PRKCA: variants seen among roughly 807,000 people sequenced by gnomAD.
PRKCA encodes the protein protein kinase C alpha type.
A neutral mutation model predicts 87.0 loss-of-function variants in PRKCA; 27 were observed. That is an observed-to-expected ratio of 0.31 (90% confidence interval 0.23 to 0.43). The LOEUF (loss-of-function observed/expected upper bound fraction) is 0.43, where lower values mean the gene tolerates loss of function less well. Among genes scored for constraint, PRKCA ranks in the 20% least tolerant of loss-of-function variants. The pLI, the probability that PRKCA is intolerant of heterozygous loss-of-function variation, is 1.00. For synonymous variants in PRKCA, 329 were observed against 311.1 expected (o/e 1.06, Z -0.61); for missense variants, 518 against 852.3 (o/e 0.61, Z 4.88).
At chr17:66,485,130 C>T (rs1368159428) in intron 2 of PRKCA, among the ~76,000 whole-genome samples, 1 of 152,096 alleles carries the variant, frequency 6.6e-6, no homozygotes, top group African/African-American at 2.4e-5. Context: ...CTTGGTCCCC[C>T]AGTTACCTTC....
chr17:66,641,340 T>G lies in PRKCA; in HGVS notation c.289-15T>G. ...TTCATGACTAAAATGAGCATTGTGC[T>G]TCTTCTCCTCCCAGGACCCCAGGAG... On this transcript the variant is annotated splice_polypyrimidine_tract_variant and intron_variant, in intron 3 of 16. Transcript: ENST00000413366. The G allele has an allele frequency of 6.3e-7, 1 of 1,598,170 alleles. No individual in the cohort carries two copies. The highest frequency in any genetic ancestry group is 1.3e-5 in the African/African-American group (1 of 74,596).
chr17:66,793,756 C>T (rs1473845753), intron 16 of PRKCA, among the ~76,000 whole-genome samples: 18 of 152,132 alleles, frequency 1.2e-4, no homozygotes, highest in African/African-American at 2.4e-5. Flanking sequence ...CGTGGAGGCA[C>T]TGTGGGGAGG....
chr17:66,745,676 G>A (rs561497196), intron 13 of PRKCA, among the ~76,000 whole-genome samples: 14 of 152,210 alleles, frequency 9.2e-5, no homozygotes, highest in East Asian at 3.9e-4. Flanking sequence ...GTGAGACACC[G>A]TCTCAAAAAT....
chr17:66,566,352 TA>T (rs1364757435), intron 3 of PRKCA, among the ~76,000 whole-genome samples: 7 of 152,158 alleles, frequency 4.6e-5, no homozygotes, highest in South Asian at 2.1e-4. Context: ...CCATTAGCTT[TA>T]GAAATATTTT....
intron 3 of PRKCA, among the ~76,000 whole-genome samples, chr17:66,497,737 A>C (rs1285868514): frequency 6.6e-6 from 1 of 152,188 alleles, no homozygotes; most frequent in African/African-American, 2.4e-5. Context: ...CCATCAGGAA[A>C]CTTTAATTTG....
intron 3 of PRKCA, among the ~76,000 whole-genome samples, chr17:66,570,702 ATGTCT>A (rs969391694): frequency 6.6e-6 from 1 of 152,122 alleles, no homozygotes; most frequent in Admixed American, 6.5e-5. Context: ...ATTATATGTA[ATGTCT>A]TGATATAACT....
intron 2 of PRKCA, among the ~76,000 whole-genome samples, chr17:66,487,995 G>A (rs1187502272): frequency 6.6e-6 from 1 of 151,986 alleles, no homozygotes; most frequent in East Asian, 1.9e-4. Flanking sequence ...GTGCTTTTGA[G>A]GTCTTACCCC....
intron 2 of PRKCA, among the ~76,000 whole-genome samples, chr17:66,421,796 G>A (rs1342145367): frequency 6.6e-6 from 1 of 151,716 alleles, no homozygotes; most frequent in Non-Finnish European, 1.5e-5. Context: ...ACCCGCCTTG[G>A]CCTCCCAAAG....
intron 3 of PRKCA, among the ~76,000 whole-genome samples, chr17:66,605,807 C>G (rs9897537): frequency 1.3e-5 from 2 of 151,882 alleles, no homozygotes; most frequent in Non-Finnish European, 2.9e-5. Flanking sequence ...CATCCTGCTC[C>G]GTAAAAGAAG....
intron 5 of PRKCA, chr17:66,676,821 A>G (rs939095465): frequency 6.6e-6 from 1 of 152,132 alleles, no homozygotes; most frequent in African/African-American, 2.4e-5. Context: ...AAGACAGGAG[A>G]AGATGGATCA....
At chr17:66,361,776 C>T (rs1908405834) in intron 2 of PRKCA, among the ~76,000 whole-genome samples, 1 of 152,062 alleles carries the variant, frequency 6.6e-6, no homozygotes, top group African/African-American at 2.4e-5. Flanking sequence ...TGTACTTGTC[C>T]TAATGTAGTA....
At chr17:66,306,942 A>G (rs1904847842) in intron 2 of PRKCA, among the ~76,000 whole-genome samples, 2 of 152,038 alleles carry the variant, frequency 1.3e-5, no homozygotes, top group South Asian at 4.1e-4. Context: ...CTGGGCATAG[A>G]TTTATTATTA....
intron 2 of PRKCA, among the ~76,000 whole-genome samples, chr17:66,449,324 C>G (rs1567834844): frequency 1.3e-5 from 2 of 151,888 alleles, no homozygotes; most frequent in Admixed American, 6.6e-5. Context: ...GCAAAAAAAG[C>G]ATGAGCTTTA....
intron 3 of PRKCA, among the ~76,000 whole-genome samples, chr17:66,543,286 T>A (rs1307801584): frequency 6.6e-6 from 1 of 152,134 alleles, no homozygotes; most frequent in African/African-American, 2.4e-5. Context: ...AATGCAGTAT[T>A]TGTGGTTTCC....
chr17:66,632,524 C>T (rs1971048295), intron 3 of PRKCA, among the ~76,000 whole-genome samples: 1 of 152,070 alleles, frequency 6.6e-6, no homozygotes, highest in African/African-American at 2.4e-5. Flanking sequence ...GGACTAAAGG[C>T]ATAGGCCACC....
At chr17:66,671,483 C>T (rs147488437) in intron 5 of PRKCA, among the ~76,000 whole-genome samples, 1 of 152,174 alleles carries the variant, frequency 6.6e-6, no homozygotes, top group East Asian at 1.9e-4. Context: ...GTTAATATGT[C>T]CAAGGTGCTG....
At chr17:66,749,002 ACGGGCGGGTATTAGGTATCT>A (rs1974365654) in intron 13 of PRKCA, among the ~76,000 whole-genome samples, 1 of 151,122 alleles carries the variant, frequency 6.6e-6, no homozygotes, top group African/African-American at 2.4e-5. Flanking sequence ...TGACACCAGG[ACGGGCGGGTATTAGGTATCT>A]TGGCTCTGAA....
At chr17:66,778,528 GA>G (rs921626807) in intron 14 of PRKCA, among the ~76,000 whole-genome samples, 4 of 151,844 alleles carry the variant, frequency 2.6e-5, no homozygotes, top group African/African-American at 7.2e-5. Context: ...AAAAATAAAA[GA>G]AAAAAAGAAA....
chr17:66,396,054 CTG>C (rs1910645135), intron 2 of PRKCA, among the ~76,000 whole-genome samples: 1 of 56,004 alleles, frequency 1.8e-5, no homozygotes, highest in Non-Finnish European at 4.5e-5. Flanking sequence ...ATGGGTTTAA[CTG>C]TTTTTTTTTT....
Sources: allele counts gnomAD v4.1 joint callset (sites outside exome capture counted in the v4.1 genomes callset), GRCh38; gene constraint gnomAD v4.1.1; transcripts MANE v1.5; gene names NCBI Gene and HGNC (gene_info 2026-07-23, HGNC 2026-07-21).